The following ALDH3B1 variants were observed in gnomAD, a reference collection of about 807,000 sequenced individuals.
ALDH3B1 encodes aldehyde dehydrogenase 3 family member B1.
Under a neutral mutation model 46.2 loss-of-function variants are expected in ALDH3B1, and 37 were observed. That is an observed-to-expected ratio of 0.80 (90% CI 0.62 to 1.05). The LOEUF is 1.05. ALDH3B1 is among the 50% of genes least tolerant of loss of function. ALDH3B1 has a pLI of 0.00. For missense variants in ALDH3B1, 603 were observed against 665.5 expected (o/e 0.91, Z 1.03); for synonymous variants, 283 against 281.0 (o/e 1.01, Z -0.07).
intron 1 of ALDH3B1, 74 bp from the exon 2 acceptor site, chr11:68,015,223 C>A (rs1003173148): frequency 2.0e-5 from 28 of 1,427,098 alleles, no homozygotes; most frequent in Non-Finnish European, 2.3e-5. Context: ...GTGCCCAGAC[C>A]CTGGGGCGGC....
At position 68,026,108 on chromosome 11, in the gene ALDH3B1, G is replaced by T. The variant is rs1391447878; in HGVS notation, c.1216G>T (p.Gly406Cys). The change falls in exon 9 of 10, where the codon GGT (glycine) becomes TGT (cysteine). Residue 406 changes from glycine to cysteine, a missense_variant and splice_region_variant. Transcript: ENST00000342456. Reference sequence around the variant, plus strand: ...GGCCAGCCTGCCTTTTGGAGGAGTGGGTAGGTGCCTGCTACCCTGCCCTTC... The same window carrying T: ...GGCCAGCCTGCCTTTTGGAGGAGTGTGTAGGTGCCTGCTACCCTGCCCTTC... ...TLASLPFGGV[G>C]ASGMGRYHGK... 2.5e-6 allele frequency: 4 copies of T among 1,599,146 alleles called. No homozygotes were observed. Among genetic ancestry groups the T allele is most frequent in the Non-Finnish European group, 3.4e-6 (4 of 1,172,914 alleles).
At chr11:68,019,549 G>A (rs1473113263) in intron 5 of ALDH3B1, among the ~76,000 whole-genome samples, 166 bp from the exon 6 acceptor site, 1 of 152,216 alleles carries the variant, frequency 6.6e-6, no homozygotes, top group African/African-American at 2.4e-5. Flanking sequence ...AGCCAACCTT[G>A]GGGAGCTCCC....
chr11:68,021,413 G>A (rs528954916), intron 6 of ALDH3B1, 72 bp from the exon 7 acceptor site: 100 of 1,549,376 alleles, frequency 6.5e-5, no homozygotes, highest in African/African-American at 1.1e-4. Flanking sequence ...AGGGAGGAGC[G>A]GGGCCGTGGG....
chr11:68,019,651 G>A, intron 5 of ALDH3B1, 64 bp from the exon 6 acceptor site: 1 of 1,566,688 alleles, frequency 6.4e-7, no homozygotes, highest in Non-Finnish European at 8.7e-7. Context: ...AGGCAGGGCG[G>A]GCTGCTCCCT....
chr11:68,024,222 G>A (rs1167664626), intron 8 of ALDH3B1: 1 of 152,260 alleles, frequency 6.6e-6, no homozygotes, highest in Admixed American at 6.5e-5. Flanking sequence ...GAATCCCACA[G>A]AGGTGAGCCT....
chr11:68,024,667 C>G (rs1364636264), intron 8 of ALDH3B1: 1 of 152,192 alleles, frequency 6.6e-6, no homozygotes, highest in East Asian at 1.9e-4. Flanking sequence ...TAAATTCCCC[C>G]AGCCTTTGCT....
At chr11:68,013,221 TG>T (rs1400749331) in intron 1 of ALDH3B1, among the ~76,000 whole-genome samples, 1 of 152,078 alleles carries the variant, frequency 6.6e-6, no homozygotes, top group East Asian at 1.9e-4. Context: ...CCAGAGTGAG[TG>T]ACCCGTAGGG....
rs763295304 is a variant in ALDH3B1, at chr11:68,028,162, G to A, written c.*223G>A. The A allele has an allele frequency of 1.3e-5, 10 of 749,868 alleles. No homozygotes were observed. Among genetic ancestry groups the A allele is most frequent in the Non-Finnish European group, 2.4e-5 (10 of 416,618 alleles). The allele number at this position is 749,868 out of a possible 1,614,324, so 46.5% of individuals were successfully genotyped here. A position where few individuals can be genotyped will look rare whatever the true frequency, so the allele number is the denominator to read the frequency against. On this transcript the variant is annotated 3_prime_UTR_variant, in exon 10 of 10. Transcript: ENST00000342456. ...ATGAGAGCCGAGGTGGGAGGCATGG[G>A]AAACAGTGCAGTGACTCACCCCCTG...
rs777751632 is a variant in ALDH3B1, at chr11:68,026,042, G to C, written c.1150G>C (p.Gly384Arg). Residue 384 changes from glycine (G) to arginine (R), a missense_variant, in exon 9 of 10, where the codon GGG (glycine) becomes CGG (arginine). Transcript: ENST00000342456. ...GCGGGTGCTGACCCAGACCAGCAGC[G>C]GGGGCTTCTGTGGGAACGACGGCTT... ...VKRVLTQTSS[G>R]GFCGNDGFMH... The C allele has an allele frequency of 6.2e-7, 1 of 1,607,972 alleles. No homozygotes were observed. The highest frequency in any genetic ancestry group is 2.2e-5 in the East Asian group (1 of 44,472).
rs1857501948 is a variant in ALDH3B1, at chr11:68,021,728, C to T, written c.806C>T (p.Thr269Ile). ...CTGCCTGCCCTGCAGAGCACCATCA[C>T]CCGTTTCTATGGCGACGACCCCCAG... ...RLLPALQSTI[T>I]RFYGDDPQSS... is the part of the protein sequence containing the mutation. Residue 269 changes from threonine (T) to isoleucine (I), a missense_variant, in exon 7 of 10, where the codon ACC (threonine) becomes ATC (isoleucine). Transcript: ENST00000342456. The T allele has an allele frequency of 6.2e-7, 1 of 1,614,166 alleles. No homozygotes were observed. The highest frequency in any genetic ancestry group is 8.5e-7 in the Non-Finnish European group (1 of 1,180,014).
At position 68,027,977 on chromosome 11, in the gene ALDH3B1, G is replaced by T. The variant is rs567436201; in HGVS notation, c.*38G>T. Reference sequence around the variant, plus strand: ...GCCCAGGCTGTAGACCACCATGACAGCTGTCGCCTGCGGCTGGTGGAGACG... The same window carrying T: ...GCCCAGGCTGTAGACCACCATGACATCTGTCGCCTGCGGCTGGTGGAGACG... On this transcript the variant is annotated 3_prime_UTR_variant, in exon 10 of 10. Coordinates refer to ENST00000342456, the MANE Select transcript of ALDH3B1 (RefSeq NM_000694.4). 1.1e-5 allele frequency: 17 copies of T among 1,557,606 alleles called. No homozygotes were observed. Among genetic ancestry groups the T allele is most frequent in the Admixed American group, 5.6e-5 (3 of 53,674 alleles).
chr11:68,017,927 A>T (rs1274718938), intron 2 of ALDH3B1: 1 of 152,192 alleles, frequency 6.6e-6, no homozygotes, highest in Admixed American at 6.5e-5. Flanking sequence ...TCTTCTCAGG[A>T]GTCCTTGCCT....
In ALDH3B1 at chr11:68,026,114, T is replaced by G. The variant is rs1590783705; in HGVS notation, c.1216+6T>G. 6.3e-7 allele frequency: 1 copy of G among 1,594,578 alleles called. No homozygotes were observed. The highest frequency in any genetic ancestry group is 8.5e-7 in the Non-Finnish European group (1 of 1,169,632). On this transcript the variant is annotated splice_donor_region_variant and intron_variant, in intron 9 of 9. Coordinates refer to ENST00000342456, the MANE Select transcript of ALDH3B1 (RefSeq NM_000694.4). Reference sequence around the variant, plus strand: ...CCTGCCTTTTGGAGGAGTGGGTAGGTGCCTGCTACCCTGCCCTTCTGTTAC... The same window carrying G: ...CCTGCCTTTTGGAGGAGTGGGTAGGGGCCTGCTACCCTGCCCTTCTGTTAC...
chr11:68,022,500 G>C lies in ALDH3B1; in HGVS notation c.950-95G>C, dbSNP rs1164628738. ...AGTCAGACCTTGGGATCCTGGCCTA[G>C]AGCCCTGGCCTGTGGCCCTGTCCCC... On this transcript the variant is annotated intron_variant, in intron 7 of 9. Transcript: ENST00000342456. 4 of 1,482,604 alleles carry C rather than the reference G, an allele frequency of 2.7e-6. No homozygotes were observed. The African/African-American group carries it at 5.7e-5, about 21-fold the overall frequency. The allele number at this position is 1,482,604 out of a possible 1,614,324, so 91.8% of individuals were successfully genotyped here.
chr11:68,009,463 G>A (rs964966574), upstream of ALDH3B1, among the ~76,000 whole-genome samples: 1 of 152,244 alleles, frequency 6.6e-6, no homozygotes, highest in African/African-American at 2.4e-5. Flanking sequence ...GGTTTATTCA[G>A]CTGGGAGCAT....
At chr11:68,027,615 G>C in intron 9 of ALDH3B1, 134 bp from the exon 10 acceptor site, 1 of 953,052 alleles carries the variant, frequency 1.0e-6, no homozygotes, top group South Asian at 1.7e-5. Flanking sequence ...TTTACACACA[G>C]TGCCTCATGA....
chr11:68,022,487 G>T, intron 7 of ALDH3B1, 108 bp from the exon 8 acceptor site: 2 of 1,420,946 alleles, frequency 1.4e-6, no homozygotes, highest in South Asian at 2.7e-5. Context: ...TCAGACCTTG[G>T]GATCCTGGCC....
At chr11:68,024,277 A>T (rs1283870100) in intron 8 of ALDH3B1, 1 of 152,228 alleles carries the variant, frequency 6.6e-6, no homozygotes, top group Admixed American at 6.5e-5. Flanking sequence ...ACACGTGGCT[A>T]GTGAGTGGAA....
At chr11:68,026,450 G>A (rs1292920225) in intron 9 of ALDH3B1, among the ~76,000 whole-genome samples, 1 of 152,180 alleles carries the variant, frequency 6.6e-6, no homozygotes, top group East Asian at 1.9e-4. Context: ...ATGACCTGGT[G>A]TCTGCCCCTC....
Sources: gnomAD v4.1 joint callset for allele counts (sites outside exome capture counted in the v4.1 genomes callset) on GRCh38, gnomAD v4.1.1 for gene constraint, MANE v1.5 for transcripts, NCBI Gene and HGNC (gene_info 2026-07-23, HGNC 2026-07-21) for gene names.